ABCC3: variants seen among roughly 807,000 people sequenced by gnomAD.
ABCC3 encodes ATP binding cassette subfamily C member 3, also known as ATP-binding cassette sub-family C member 3.
In ABCC3, 121 loss-of-function variants were observed where a neutral mutation model predicts 165.3. The ratio of observed to expected loss-of-function variants is 0.73; its 90% CI spans 0.63 to 0.85. ABCC3 has a LOEUF of 0.85. Among genes scored for constraint, ABCC3 ranks in the 40% least tolerant of loss-of-function variants. The probability of loss-of-function intolerance (pLI) is 0.00; values close to 1 mark genes in which losing one functional copy is unlikely to be tolerated. For missense variants in ABCC3, 1,869 were observed against 1,964.1 expected, an observed-to-expected ratio of 0.95 and a Z score of 0.92; for synonymous variants, 733 against 810.1, an observed-to-expected ratio of 0.90 and a Z score of 1.62.
At chr17:50,645,858 TC>T in intron 1 of ABCC3, among the ~76,000 whole-genome samples, 1 of 152,336 alleles carries the variant, frequency 6.6e-6, no homozygotes, top group South Asian at 2.1e-4. Flanking sequence ...CCTTGGCCTC[TC>T]AAAGCACTGG....
chr17:50,689,379 G>C (rs1968078417), intron 30 of ABCC3, among the ~76,000 whole-genome samples: 1 of 152,192 alleles, frequency 6.6e-6, no homozygotes, highest in Non-Finnish European at 1.5e-5. Flanking sequence ...GTCAAAGTGT[G>C]GTGCTGGAGG....
chr17:50,684,085 C>T lies in ABCC3; in HGVS notation c.4091C>T (p.Ser1364Phe), dbSNP rs1423802491. 1 of 1,613,210 alleles carries T rather than the reference C, an allele frequency of 6.2e-7. No homozygotes were observed. The highest frequency in any genetic ancestry group is 1.3e-5 in the African/African-American group (1 of 74,868). ...GACATCGGCCTCCATGACCTGCGCT[C>T]TCAGCTGACCATCATCCCGCAGGTA... is the stretch of plus-strand genomic sequence containing the variant. The part of the protein sequence containing the change: ...VADIGLHDLR[S>F]QLTIIPQDPI... Residue 1364 changes from serine (S) to phenylalanine (F), a missense_variant, in exon 28 of 31, where the codon TCT (serine) becomes TTT (phenylalanine). Transcript: ENST00000285238.
Position 50,669,200 on chromosome 17 carries a change from G to A in ABCC3, c.1998G>A (p.Gly666=), listed in dbSNP as rs767255990. 1.1e-5 allele frequency: 18 copies of A among 1,610,596 alleles called. No individual in the cohort carries two copies. The highest frequency in any genetic ancestry group is 2.5e-6 in the Non-Finnish European group (3 of 1,179,082). ...CCGTGGTGGGGCCTGTGGGCTGTGG[G>A]AAGTCCTCCCTGGTGTCTGCCCTGC... is the stretch of plus-strand genomic sequence containing the variant. The part of the protein sequence containing the change: ...LVAVVGPVGC[G]KSSLVSALLG... The change falls in exon 16 of 31, where the codon GGG becomes GGA. Residue 666 remains glycine, a synonymous_variant. Transcript: ENST00000285238.
At chr17:50,668,046 G>A (rs1567833119) in intron 13 of ABCC3, 37 bp downstream of exon 13, 1 of 1,582,800 alleles carries the variant, frequency 6.3e-7, no homozygotes, top group South Asian at 1.1e-5. Context: ...TACTGGAGTT[G>A]GAACAGGTTG....
At chr17:50,641,287 G>C (rs540694536) in intron 1 of ABCC3, among the ~76,000 whole-genome samples, 14 of 152,320 alleles carry the variant, frequency 9.2e-5, no homozygotes, top group African/African-American at 2.9e-4. Context: ...AACTGTGTGG[G>C]TGATGGTGGG....
chr17:50,667,674 A>G lies in ABCC3; in HGVS notation c.1552A>G (p.Arg518Gly). The G allele has an allele frequency of 1.9e-6, 3 of 1,614,176 alleles. No individual in the cohort carries two copies. The highest frequency in any genetic ancestry group is 2.5e-6 in the Non-Finnish European group (3 of 1,180,020). ...CTTCCTGAAGCAGGTGGAGGGCATC[A>G]GGCAGGGTGAGCTCCAGCTGCTGCG... The part of the protein sequence containing the change: ...PSFLKQVEGI[R>G]QGELQLLRTA... The change falls in exon 12 of 31, where the codon AGG (arginine) becomes GGG (glycine). Residue 518 changes from arginine to glycine, a missense_variant. Arg to Gly is a moderately radical substitution (Grantham distance 125, BLOSUM62 -2). Transcript: ENST00000285238.
At chr17:50,658,674 G>T in intron 6 of ABCC3, 178 bp downstream of exon 6, 2 of 718,416 alleles carry the variant, frequency 2.8e-6, no homozygotes, top group African/African-American at 3.5e-5. Flanking sequence ...ACCAAATGCA[G>T]AGGCCTGGCC....
intron 30 of ABCC3, among the ~76,000 whole-genome samples, chr17:50,690,442 C>G (rs1306696153): frequency 6.6e-6 from 1 of 152,158 alleles, no homozygotes; most frequent in African/African-American, 2.4e-5. Flanking sequence ...GCAGTCAGCC[C>G]CCTCCCATGG....
chr17:50,681,653 G>A (rs1967931288), intron 26 of ABCC3, among the ~76,000 whole-genome samples: 1 of 152,150 alleles, frequency 6.6e-6, no homozygotes, highest in Admixed American at 6.5e-5. Flanking sequence ...TTCCTCATCA[G>A]CCTTGATGTC....
Position 50,663,872 on chromosome 17 carries a change from G to A in ABCC3, c.1176+14G>A. 1.2e-6 allele frequency: 2 copies of A among 1,614,218 alleles called. No homozygotes were observed. The highest frequency in any genetic ancestry group is 1.7e-6 in the Non-Finnish European group (2 of 1,180,036). On this transcript the variant is annotated intron_variant, in intron 9 of 30. Coordinates refer to ENST00000285238, the MANE Select transcript of ABCC3 (RefSeq NM_003786.4). ...ATCTACAGGAAGGTCAGCTGGAGCA[G>A]GGCCCAGGGGAAAGGCTGGCCCTGG... is the stretch of plus-strand genomic sequence containing the variant.
intron 15 of ABCC3, 25 bp from the exon 16 acceptor site, chr17:50,669,115 G>A: frequency 1.9e-6 from 3 of 1,589,028 alleles, no homozygotes; most frequent in South Asian, 1.1e-5. Flanking sequence ...GCCTCTAACT[G>A]GACTCCTGGG....
At chr17:50,690,348 G>T (rs957850811) in intron 30 of ABCC3, among the ~76,000 whole-genome samples, 1 of 151,988 alleles carries the variant, frequency 6.6e-6, no homozygotes, top group Non-Finnish European at 1.5e-5. Context: ...GGGAGGGGAG[G>T]GGGGGCGGTG....
chr17:50,664,398 G>A (rs545119886), intron 10 of ABCC3: 13 of 426,270 alleles, frequency 3.0e-5, no homozygotes, highest in South Asian at 2.7e-4. Context: ...GTTAGCAGAG[G>A]GGATATAGAA....
At chr17:50,656,164 C>T (rs1967239113) in intron 2 of ABCC3, among the ~76,000 whole-genome samples, 156 bp downstream of exon 2, 1 of 152,188 alleles carries the variant, frequency 6.6e-6, no homozygotes. Context: ...TGGCTCACTG[C>T]AACCTCTGCC....
intron 1 of ABCC3, among the ~76,000 whole-genome samples, chr17:50,652,618 G>A (rs1378392670): frequency 6.6e-6 from 1 of 152,140 alleles, no homozygotes; most frequent in East Asian, 1.9e-4. Context: ...GTTGTCCTCA[G>A]CAAAGTTAAC....
chr17:50,654,645 C>G (rs1039447444), intron 1 of ABCC3, among the ~76,000 whole-genome samples: 6 of 152,276 alleles, frequency 3.9e-5, no homozygotes, highest in Middle Eastern at 3.4e-3. Flanking sequence ...CAGTGAGGTA[C>G]AGGTGGGCCG....
chr17:50,654,588 G>T lies in ABCC3; in HGVS notation c.46-1244G>T, dbSNP rs116153425. Among the ~76,000 whole-genome samples the T allele has an allele frequency of 2.8e-3, 432 of 152,200 alleles. 1 individual carries two copies. The highest frequency in any genetic ancestry group is 9.8e-3 in the African/African-American group (407 of 41,520). On this transcript the variant is annotated intron_variant, in intron 1 of 30. Transcript: ENST00000285238. ...TTGATCACTCTAGTCTGTGTAATTT[G>T]CAAAGACTCTCCATATCCTTTGGTT...
chr17:50,667,539 T>TCGG lies in ABCC3; in HGVS notation c.1432-15_1432-14insCGG. ...GGGAGCAGGTGTGCCACTGACACTC[T>TCGG]TTCTGCCTGCACAGGTAAAGCAAAT... On this transcript the variant is annotated splice_polypyrimidine_tract_variant and intron_variant, in intron 11 of 30. Coordinates refer to ENST00000285238, the MANE Select transcript of ABCC3 (RefSeq NM_003786.4). 6.3e-7 allele frequency: 1 copy of TCGG among 1,599,460 alleles called. No homozygotes were observed. Among genetic ancestry groups the TCGG allele is most frequent in the South Asian group, 1.1e-5 (1 of 89,894 alleles).
At chr17:50,683,528 G>C in intron 26 of ABCC3, 82 bp from the exon 27 acceptor site, 3 of 1,421,754 alleles carry the variant, frequency 2.1e-6, no homozygotes, top group Non-Finnish European at 2.8e-6. Context: ...GGAGGATTGA[G>C]GGGCCTTGGG....
Sources: allele counts gnomAD v4.1 joint callset (sites outside exome capture counted in the v4.1 genomes callset), GRCh38; gene constraint gnomAD v4.1.1; transcripts MANE v1.5; gene names NCBI Gene and HGNC (gene_info 2026-07-23, HGNC 2026-07-21).